The following DNAJC2 variants were observed in gnomAD, a reference collection of about 807,000 sequenced individuals.
DNAJC2 encodes dnaJ homolog subfamily C member 2.
Under a neutral mutation model 94.0 loss-of-function variants are expected in DNAJC2, and 32 were observed. That is an observed-to-expected ratio of 0.34 (90% CI 0.26 to 0.46). The LOEUF (loss-of-function observed/expected upper bound fraction) is 0.46, where lower values mean the gene tolerates loss of function less well. Among genes scored for constraint, DNAJC2 ranks in the 20% least tolerant of loss-of-function variants. The pLI is 1.00. For synonymous variants in DNAJC2, 210 were observed against 229.7 expected, an observed-to-expected ratio of 0.91 and a Z score of 0.77; for missense variants, 550 against 719.5, an observed-to-expected ratio of 0.76 and a Z score of 2.69.
At chr7:103,339,605 T>G (rs1437588435) in intron 2 of DNAJC2, among the ~76,000 whole-genome samples, 2 of 113,726 alleles carry the variant, frequency 1.8e-5, no homozygotes, top group African/African-American at 5.7e-5. Flanking sequence ...AATCCAATGG[T>G]TTTTTTTTTT....
At chr7:103,322,816 A>G (rs768146057) in intron 7 of DNAJC2, 22 bp from the exon 8 acceptor site, 1 of 1,562,086 alleles carries the variant, frequency 6.4e-7, no homozygotes, top group East Asian at 2.2e-5. Flanking sequence ...AAAATATTGG[A>G]AACAAACTAC....
intron 2 of DNAJC2, among the ~76,000 whole-genome samples, chr7:103,339,045 A>T (rs1231548475): frequency 6.6e-6 from 1 of 152,262 alleles, no homozygotes. Flanking sequence ...AAAAATAAAC[A>T]AACAGAAACC....
At position 103,327,763 on chromosome 7, in the gene DNAJC2, C is replaced by G. The variant is rs1377530636; in HGVS notation, c.332-9G>C. On this transcript the variant is annotated splice_polypyrimidine_tract_variant and intron_variant, in intron 3 of 16. Coordinates refer to ENST00000379263, the MANE Select transcript of DNAJC2 (RefSeq NM_014377.3). ...TAAAACCATTGCTTTATCTACAAAA[C>G]CAGTCAGATTGAGATAATTTGTCAC... is the stretch of plus-strand genomic sequence containing the variant. 1.3e-6 allele frequency: 2 copies of G among 1,593,308 alleles called. No homozygotes were observed. The highest frequency in any genetic ancestry group is 1.7e-6 in the Non-Finnish European group (2 of 1,164,054).
chr7:103,319,683 A>AG lies in DNAJC2; in HGVS notation c.1173-6dup, dbSNP rs1460433466. ...GTTTCATTCAAGCACTGTAAGCTAA[A>AG]GAAAAAAAAAGAAGAAATGAAACTT... On this transcript the variant is annotated splice_polypyrimidine_tract_variant and splice_region_variant and intron_variant, in intron 11 of 16. Transcript: ENST00000379263. 1 of 1,614,006 alleles carries AG rather than the reference A, an allele frequency of 6.2e-7. No individual in the cohort carries two copies. The highest frequency in any genetic ancestry group is 8.5e-7 in the Non-Finnish European group (1 of 1,179,980).
intron 10 of DNAJC2, 67 bp from the exon 11 acceptor site, chr7:103,319,911 T>TG: frequency 6.5e-7 from 1 of 1,550,380 alleles, no homozygotes; most frequent in Non-Finnish European, 8.9e-7. Context: ...ATTACAAAGC[T>TG]GTAATCCCAG....
intron 3 of DNAJC2, among the ~76,000 whole-genome samples, chr7:103,328,536 C>A (rs181455949): frequency 2.6e-5 from 4 of 152,150 alleles, no homozygotes; most frequent in Admixed American, 2.0e-4. Context: ...GTGGCTCAGA[C>A]ATAAGAATCG....
chr7:103,337,381 A>G (rs1819214110), intron 3 of DNAJC2: 1 of 167,776 alleles, frequency 6.0e-6, no homozygotes, highest in African/African-American at 2.4e-5. Context: ...AAAAAAAACC[A>G]AAAACCAAAA....
intron 3 of DNAJC2, among the ~76,000 whole-genome samples, chr7:103,331,490 A>G (rs540651310): frequency 2.0e-5 from 3 of 151,912 alleles, no homozygotes; most frequent in Middle Eastern, 3.4e-3. Flanking sequence ...CCATTGACCA[A>G]CCTCTCTTTA....
chr7:103,319,927 C>G lies in DNAJC2; in HGVS notation c.1084-83G>C, dbSNP rs527526626. On this transcript the variant is annotated intron_variant, in intron 10 of 16. Transcript: ENST00000379263. ...TTACAAAGCTGTAATCCCAGCTACT[C>G]GGGAGGCTGAGGCAGGAGAATCGCT... 5 of 1,464,026 alleles carry G rather than the reference C, an allele frequency of 3.4e-6. No individual in the cohort carries two copies. In the South Asian group the frequency reaches 4.6e-5, roughly 14 times the overall value. The allele number at this position is 1,464,026 out of a possible 1,614,324, so 90.7% of individuals were successfully genotyped here.
intron 2 of DNAJC2, among the ~76,000 whole-genome samples, chr7:103,339,823 G>C (rs1366732727): frequency 6.6e-6 from 1 of 151,444 alleles, no homozygotes; most frequent in Non-Finnish European, 1.5e-5. Context: ...CTGAAGCAGT[G>C]ACACAGGTGA....
At chr7:103,333,006 G>C (rs1434441273) in intron 3 of DNAJC2, among the ~76,000 whole-genome samples, 1 of 152,012 alleles carries the variant, frequency 6.6e-6, no homozygotes, top group Non-Finnish European at 1.5e-5. Context: ...AATTTTTTTA[G>C]ATTTTGGAAT....
intron 12 of DNAJC2, among the ~76,000 whole-genome samples, chr7:103,318,387 ATACTTC>A (rs780737288): frequency 2.8e-4 from 42 of 152,060 alleles, no homozygotes; most frequent in Non-Finnish European, 4.4e-4. Flanking sequence ...ACCATACTTT[ATACTTC>A]TACTTCTATT....
intron 4 of DNAJC2, 144 bp downstream of exon 4, chr7:103,327,512 T>A: frequency 4.3e-6 from 3 of 696,804 alleles, no homozygotes; most frequent in Middle Eastern, 2.5e-4. Context: ...GGGGTGATGA[T>A]TAGAAAGAAC....
chr7:103,320,251 G>A (rs1018886301), intron 10 of DNAJC2, among the ~76,000 whole-genome samples: 1 of 151,802 alleles, frequency 6.6e-6, no homozygotes, highest in Non-Finnish European at 1.5e-5. Context: ...ACCACACCTG[G>A]CTAATTTTTT....
chr7:103,337,606 A>T, intron 3 of DNAJC2, 130 bp downstream of exon 3: 2 of 718,372 alleles, frequency 2.8e-6, no homozygotes, highest in Non-Finnish European at 4.5e-6. Flanking sequence ...TTTGCTTGTT[A>T]TGACAATATA....
chr7:103,314,092 G>C, intron 15 of DNAJC2: 2 of 985,370 alleles, frequency 2.0e-6, no homozygotes, highest in Non-Finnish European at 2.4e-6. Flanking sequence ...TATAATATTT[G>C]ATGGTACCTA....
intron 15 of DNAJC2, chr7:103,313,398 A>G (rs1489265992): frequency 1.0e-6 from 1 of 984,194 alleles, no homozygotes; most frequent in Non-Finnish European, 1.2e-6. Context: ...GACTGGTAAA[A>G]AGCCATATTT....
rs149070486 is a variant in DNAJC2 at position 103,322,932 on chromosome 7, GA to G, written c.720-139del. ...TGTGTCATTACTAACATTAAACAATGATTTTTTTTTTTTTGAGACAGACTTT... is the reference window on the plus strand; with the variant it reads ...TGTGTCATTACTAACATTAAACAATGTTTTTTTTTTTTTGAGACAGACTTT... On this transcript the variant is annotated intron_variant, in intron 7 of 16. Coordinates refer to ENST00000379263, the MANE Select transcript of DNAJC2 (RefSeq NM_014377.3). 1,698 of 736,056 alleles carry G rather than the reference GA, an allele frequency of 2.3e-3. 16 individuals carry two copies. The African/African-American group carries it at 0.027, about 12-fold the overall frequency. The allele number at this position is 736,056 out of a possible 1,614,324, so 45.6% of individuals were successfully genotyped here. A position where few individuals can be genotyped will look rare whatever the true frequency, so the allele number is the denominator to read the frequency against.
intron 1 of DNAJC2, among the ~76,000 whole-genome samples, chr7:103,343,850 A>G (rs1438155496): frequency 6.6e-6 from 1 of 152,224 alleles, no homozygotes; most frequent in Non-Finnish European, 1.5e-5. Context: ...ACACGGAGAC[A>G]CATAAATGCA....
Sources: gnomAD v4.1 joint callset for allele counts (sites outside exome capture counted in the v4.1 genomes callset) on GRCh38, gnomAD v4.1.1 for gene constraint, MANE v1.5 for transcripts, NCBI Gene and HGNC (gene_info 2026-07-23, HGNC 2026-07-21) for gene names.